MITF: variants seen among roughly 807,000 people sequenced by gnomAD.
MITF encodes the protein melanocyte inducing transcription factor, also known as microphthalmia-associated transcription factor.
In MITF, 17 loss-of-function variants were observed where a neutral mutation model predicts 60.5. The ratio of observed to expected loss-of-function variants is 0.28; its 90% CI spans 0.19 to 0.42. The LOEUF (loss-of-function observed/expected upper bound fraction) is 0.42. MITF is among the 10% of genes least tolerant of loss of function. The pLI is 1.00. For missense variants in MITF, 622 were observed against 683.5 expected (o/e 0.91, Z 1.00); for synonymous variants, 260 against 248.5 (o/e 1.05, Z -0.43).
intron 1 of MITF, among the ~76,000 whole-genome samples, chr3:69,806,719 C>T (rs1462813606): frequency 2.6e-5 from 4 of 152,056 alleles, no homozygotes; most frequent in East Asian, 1.9e-4. Flanking sequence ...GTCAGATGCC[C>T]GGCGAGGACA....
chr3:69,844,858 A>C (rs1430729218), intron 1 of MITF, among the ~76,000 whole-genome samples: 1 of 152,152 alleles, frequency 6.6e-6, no homozygotes, highest in Non-Finnish European at 1.5e-5. Context: ...ACTAGCATTT[A>C]CTGAAAAATC....
intron 1 of MITF, among the ~76,000 whole-genome samples, chr3:69,870,824 G>A (rs945175064): frequency 6.6e-5 from 10 of 152,066 alleles, no homozygotes; most frequent in African/African-American, 2.2e-4. Context: ...GTTGTGGGTG[G>A]GAGTGTGCCT....
chr3:69,876,434 A>G (rs1383806421), intron 1 of MITF, among the ~76,000 whole-genome samples: 11 of 143,926 alleles, frequency 7.6e-5, no homozygotes, highest in Non-Finnish European at 1.5e-4. Flanking sequence ...GCCACCCGCC[A>G]TGCCCCTCAT....
intron 2 of MITF, among the ~76,000 whole-genome samples, chr3:69,902,432 A>G (rs992530876): frequency 6.6e-6 from 1 of 152,208 alleles, no homozygotes; most frequent in Non-Finnish European, 1.5e-5. Flanking sequence ...GACAAACTCC[A>G]TAAATACTTC....
intron 1 of MITF, chr3:69,752,348 A>G (rs955550771): frequency 1.3e-5 from 2 of 152,220 alleles, no homozygotes; most frequent in African/African-American, 4.8e-5. Flanking sequence ...AAAGTTTGGA[A>G]TTTCCTAGAG....
At chr3:69,808,814 G>C (rs1228518477) in intron 1 of MITF, among the ~76,000 whole-genome samples, 4 of 152,088 alleles carry the variant, frequency 2.6e-5, no homozygotes, top group Admixed American at 6.6e-5. Context: ...GAGGAGGTGA[G>C]GGGGAGGGAT....
At chr3:69,784,095 A>G (rs570305872) in intron 1 of MITF, among the ~76,000 whole-genome samples, 4 of 152,312 alleles carry the variant, frequency 2.6e-5, no homozygotes, top group African/African-American at 9.6e-5. Flanking sequence ...AATGTTAGCA[A>G]TATCACAATT....
chr3:69,873,464 G>A (rs1022158775), intron 1 of MITF, among the ~76,000 whole-genome samples: 1 of 152,102 alleles, frequency 6.6e-6, no homozygotes, highest in Non-Finnish European at 1.5e-5. Context: ...ACTGGTTGGG[G>A]GCAGTTCTTG....
chr3:69,742,894 T>C (rs1321335733), intron 1 of MITF, among the ~76,000 whole-genome samples: 1 of 152,252 alleles, frequency 6.6e-6, no homozygotes, highest in Admixed American at 6.5e-5. Flanking sequence ...GTCTTCTTTG[T>C]CCAGCTATAT....
intron 1 of MITF, among the ~76,000 whole-genome samples, chr3:69,804,230 A>G (rs1310391646): frequency 1.3e-5 from 2 of 152,090 alleles, no homozygotes; most frequent in East Asian, 3.9e-4. Flanking sequence ...TTTCTTGATC[A>G]AGTTTTGTTA....
At chr3:69,817,931 A>G (rs2063207332) in intron 1 of MITF, among the ~76,000 whole-genome samples, 1 of 152,142 alleles carries the variant, frequency 6.6e-6, no homozygotes. Flanking sequence ...ACAACCTCAG[A>G]ATGTAAAGTT....
chr3:69,932,642 G>C (rs1330161163), intron 2 of MITF, among the ~76,000 whole-genome samples: 2 of 152,082 alleles, frequency 1.3e-5, no homozygotes, highest in Non-Finnish European at 2.9e-5. Context: ...GGACAGCTTT[G>C]TACAGATTGT....
chr3:69,826,404 T>C (rs1246011989), intron 1 of MITF, among the ~76,000 whole-genome samples: 1 of 152,244 alleles, frequency 6.6e-6, no homozygotes, highest in African/African-American at 2.4e-5. Context: ...GTTCATTCAT[T>C]TTCATTTCCA....
At position 69,850,054 on chromosome 3, in the gene MITF, A is replaced by G. The variant is rs183772656; in HGVS notation, c.105-29080A>G. On this transcript the variant is annotated intron_variant, in intron 1 of 9. Transcript: ENST00000352241. ...ATTTTCTCTGAAGTCTGTAGTTTTCATATGAATCTCAGAAAAGTATTTGAC... is the reference window on the plus strand; with the variant it reads ...ATTTTCTCTGAAGTCTGTAGTTTTCGTATGAATCTCAGAAAAGTATTTGAC... 2.0e-3 allele frequency among the ~76,000 whole-genome samples: 312 copies of G among 152,308 alleles called. 1 individual carries two copies. The highest frequency in any genetic ancestry group is 3.2e-3 in the Non-Finnish European group (220 of 68,030).
At chr3:69,867,966 G>A (rs79569299) in intron 1 of MITF, among the ~76,000 whole-genome samples, 1 of 152,134 alleles carries the variant, frequency 6.6e-6, no homozygotes, top group Non-Finnish European at 1.5e-5. Flanking sequence ...TATTCTTTTA[G>A]GAGAGCACAC....
chr3:69,777,271 A>G (rs1436962589), intron 1 of MITF, among the ~76,000 whole-genome samples: 1 of 152,232 alleles, frequency 6.6e-6, no homozygotes, highest in Non-Finnish European at 1.5e-5. Flanking sequence ...TAAAGTTTTG[A>G]CATGGTCTAA....
chr3:69,755,759 A>G (rs1704122128), intron 1 of MITF, among the ~76,000 whole-genome samples: 1 of 152,188 alleles, frequency 6.6e-6, no homozygotes, highest in Non-Finnish European at 1.5e-5. Flanking sequence ...AACTTGGACA[A>G]CTGGGTGCCT....
chr3:69,938,121 C>G, intron 3 of MITF, 72 bp downstream of exon 3: 6 of 1,473,064 alleles, frequency 4.1e-6, no homozygotes, highest in Non-Finnish European at 1.9e-6. Context: ...GATTCCCACA[C>G]TTAACTGTGG....
intron 2 of MITF, among the ~76,000 whole-genome samples, chr3:69,922,055 A>C (rs1335673912): frequency 6.6e-6 from 1 of 152,210 alleles, no homozygotes; most frequent in Non-Finnish European, 1.5e-5. Flanking sequence ...CTTAATAGGC[A>C]GGAGCACCTT....
Sources: allele counts gnomAD v4.1 joint callset (sites outside exome capture counted in the v4.1 genomes callset), GRCh38; gene constraint gnomAD v4.1.1; transcripts MANE v1.5; gene names NCBI Gene and HGNC (gene_info 2026-07-23, HGNC 2026-07-21).